The following OXLD1 variants were observed in gnomAD, a reference collection of about 807,000 sequenced individuals.
OXLD1 encodes the protein oxidoreductase like domain containing 1.
A neutral mutation model predicts 3.1 loss-of-function variants in OXLD1; 4 were observed. The ratio of observed to expected loss-of-function variants is 1.28; its 90% CI spans 0.63 to 2.92. The LOEUF is 2.92. Ranked by LOEUF, OXLD1 falls within the 30% of genes most tolerant of loss-of-function variation. The probability of loss-of-function intolerance (pLI) is 0.01; values close to 1 mark genes in which losing one functional copy is unlikely to be tolerated. For synonymous variants in OXLD1, 100 were observed against 87.0 expected (o/e 1.15, Z -0.83); for missense variants, 240 against 204.6 (o/e 1.17, Z -1.05).
In OXLD1 at chr17:81,665,309, C is replaced by G. The variant is rs755326756; in HGVS notation, c.336G>C (p.Gln112His). 6.2e-6 allele frequency: 10 copies of G among 1,613,576 alleles called. No individual in the cohort carries two copies. In the South Asian group the frequency reaches 1.1e-4, roughly 18 times the overall value. ...EYADRLLQHF[Q>H]DGGERALAAL... ...CAGCCAGGGCCCGCTCCCCACCGTC[C>G]TGGAAGTGCTGCAGCAGCCTGTCCG... The change falls in exon 2 of 2, where the codon CAG becomes CAC. Residue 112 changes from glutamine to histidine, a missense_variant. Physicochemically the swap from Gln to His is conservative, Grantham distance 24. Coordinates refer to ENST00000374741, the MANE Select transcript of OXLD1 (RefSeq NM_001039842.3).
Position 81,665,170 on chromosome 17 carries a change from G to A in OXLD1, c.*31C>T, listed in dbSNP as rs1294311878. 1.3e-5 allele frequency: 20 copies of A among 1,576,146 alleles called. No homozygotes were observed. Among genetic ancestry groups the A allele is most frequent in the Non-Finnish European group, 1.4e-5 (16 of 1,158,322 alleles). On this transcript the variant is annotated 3_prime_UTR_variant, in exon 2 of 2. Transcript: ENST00000374741. ...AGGCTGCGGCTGCGTCCTGGACTCC[G>A]TCCTGCGGTAGGGAGTCCAGCAGGG...
intron 1 of OXLD1, chr17:81,665,830 G>T: frequency 1.8e-6 from 1 of 541,952 alleles, no homozygotes; most frequent in South Asian, 2.5e-5. Flanking sequence ...GCCTGGCGCC[G>T]GGTGTGCACT....
intron 1 of OXLD1, chr17:81,665,953 A>C (rs2036604814): frequency 2.6e-6 from 1 of 377,460 alleles, no homozygotes; most frequent in Non-Finnish European, 4.8e-6. Context: ...CCAGCCCAGC[A>C]CCTCTACCAG....
chr17:81,665,636 C>G, intron 1 of OXLD1, 52 bp from the exon 2 acceptor site: 3 of 1,519,778 alleles, frequency 2.0e-6, no homozygotes, highest in Non-Finnish European at 2.6e-6. Context: ...GAGGCCCGGT[C>G]TACCCCCAGC....
chr17:81,665,226 C>G lies in OXLD1; in HGVS notation c.419G>C (p.Arg140Pro), dbSNP rs781438420. ...TCAGCCTCCGCACCTGGTGTGCAGC[C>G]GGATCTCCATCCTGAGGAAGGCCTT... ...NLKAFLRMEI[R>P]LHTRCGG is the part of the protein sequence containing the mutation. The change falls in exon 2 of 2, where the codon CGG becomes CCG. Residue 140 changes from arginine to proline, a missense_variant. By Grantham distance (103) the Arg-to-Pro change is moderately radical. Coordinates refer to ENST00000374741, the MANE Select transcript of OXLD1 (RefSeq NM_001039842.3). 2.5e-6 allele frequency: 4 copies of G among 1,612,254 alleles called. No individual in the cohort carries two copies. The highest frequency in any genetic ancestry group is 3.4e-6 in the Non-Finnish European group (4 of 1,179,200).
chr17:81,665,489 A>G lies in OXLD1; in HGVS notation c.156T>C (p.Asp52=), dbSNP rs1441919433. ...QRHHPGAQAP[D]GRRKFGTDHV... ...GGTCTGTCCCGAATTTTCTGCGCCC[A>G]TCAGGGGCTTGCGCTCCGGGATGGT... Residue 52 remains aspartate (D), a synonymous_variant, in exon 2 of 2, where the codon GAT becomes GAC. Transcript: ENST00000374741. The G allele has an allele frequency of 1.2e-6, 2 of 1,613,026 alleles. No individual in the cohort carries two copies. Among genetic ancestry groups the G allele is most frequent in the Admixed American group, 1.7e-5 (1 of 60,014 alleles).
At chr17:81,666,212 G>GAGCC (rs2036612538) in intron 1 of OXLD1, 2 of 463,664 alleles carry the variant, frequency 4.3e-6, no homozygotes, top group Non-Finnish European at 7.7e-6. Context: ...CCAGTCCCCA[G>GAGCC]AGCCCAGGAG....
Position 81,665,339 on chromosome 17 carries a change from C to T in OXLD1, c.306G>A (p.Glu102=). The T allele has an allele frequency of 3.7e-6, 6 of 1,613,490 alleles. 1 individual carries two copies. Among genetic ancestry groups the T allele is most frequent in the Middle Eastern group, 3.3e-4 (2 of 6,062 alleles). Residue 102 remains glutamate (E), a synonymous_variant, in exon 2 of 2, where the codon GAG becomes GAA. Coordinates refer to ENST00000374741, the MANE Select transcript of OXLD1 (RefSeq NM_001039842.3). ...MSGCPNCVWV[E]YADRLLQHFQ... ...AGTGCTGCAGCAGCCTGTCCGCGTA[C>T]TCCACCCACACGCAGTTGGGGCAGC... is the stretch of plus-strand genomic sequence containing the variant.
Position 81,665,454 on chromosome 17 carries a change from A to G in OXLD1, c.191T>C (p.Val64Ala), listed in dbSNP as rs1369589362. ...RRKFGTDHVE[V>A]GSQAGADGTR... ...GCCGTCCGCACCTGCTTGGGAGCCC[A>G]CCTCTACGTGGTCTGTCCCGAATTT... is the stretch of plus-strand genomic sequence containing the variant. The change falls in exon 2 of 2, where the codon GTG (valine) becomes GCG (alanine). Residue 64 changes from valine (V) to alanine (A), a missense_variant. Val to Ala is a moderately conservative substitution (Grantham distance 64, BLOSUM62 0). Coordinates refer to ENST00000374741, the MANE Select transcript of OXLD1 (RefSeq NM_001039842.3). 2 of 1,613,276 alleles carry G rather than the reference A, an allele frequency of 1.2e-6. No homozygotes were observed. Among genetic ancestry groups the G allele is most frequent in the African/African-American group, 1.3e-5 (1 of 75,000 alleles).
Position 81,666,538 on chromosome 17 carries a change from C to G in OXLD1, c.40G>C (p.Ala14Pro), listed in dbSNP as rs1188658459. 4 of 1,521,978 alleles carry G rather than the reference C, an allele frequency of 2.6e-6. No homozygotes were observed. Among genetic ancestry groups the G allele is most frequent in the African/African-American group, 2.9e-5 (2 of 70,008 alleles). 94.3% of individuals were successfully genotyped at this position (1,521,978 alleles called of 1,614,324 possible). A position where few individuals can be genotyped will look rare whatever the true frequency, so the allele number is the denominator to read the frequency against. The change falls in exon 1 of 2, where the codon GCC becomes CCC. Residue 14 changes from alanine (A) to proline (P), a missense_variant. Transcript: ENST00000374741. ...RRVVEGGRAVAAAVRGSGARR... is the reference protein window; with the variant it reads ...RRVVEGGRAVPAAVRGSGARR... ...CTTGCCGAGCCACGGACCGCGGCGGCTACCGCCCGGCCTCCCTCGACCACC... is the reference window on the plus strand; with the variant it reads ...CTTGCCGAGCCACGGACCGCGGCGGGTACCGCCCGGCCTCCCTCGACCACC...
chr17:81,666,580 C>A lies in OXLD1; in HGVS notation c.-3G>T. On this transcript the variant is annotated 5_prime_UTR_variant, in exon 1 of 2. Coordinates refer to ENST00000374741, the MANE Select transcript of OXLD1 (RefSeq NM_001039842.3). ...TCGACCACCCTCCGCAGCAGCATCGCCCGCGGACGGGATCCGGCAACCCCT... is the reference window on the plus strand; with the variant it reads ...TCGACCACCCTCCGCAGCAGCATCGACCGCGGACGGGATCCGGCAACCCCT... The A allele has an allele frequency of 6.8e-7, 1 of 1,461,034 alleles. No homozygotes were observed. 90.5% of individuals were successfully genotyped at this position (1,461,034 alleles called of 1,614,324 possible). A position where few individuals can be genotyped will look rare whatever the true frequency, so the allele number is the denominator to read the frequency against.
chr17:81,665,885 T>C, intron 1 of OXLD1: 1 of 467,550 alleles, frequency 2.1e-6, no homozygotes, highest in Non-Finnish European at 3.8e-6. Flanking sequence ...CACCTCCAGC[T>C]AAGATGGCTG....
rs1054085809 is a variant in OXLD1, at chr17:81,665,880, C to G, written c.61-296G>C. The G allele has an allele frequency of 6.8e-5, 32 of 470,986 alleles. 1 individual carries two copies. The East Asian group carries it at 9.8e-4, about 14-fold the overall frequency. 29.2% of individuals were successfully genotyped at this position (470,986 alleles called of 1,614,324 possible). ...GGGGTGGGGGAGGCACTCGACACCT[C>G]CAGCTAAGATGGCTGCTCTGTGGAC... is the stretch of plus-strand genomic sequence containing the variant. On this transcript the variant is annotated intron_variant, in intron 1 of 1. Coordinates refer to ENST00000374741, the MANE Select transcript of OXLD1 (RefSeq NM_001039842.3).
At position 81,666,559 on chromosome 17, in the gene OXLD1, C is replaced by A; in HGVS notation, c.19G>T (p.Val7Phe). ...GCGGCTACCGCCCGGCCTCCCTCGA[C>A]CACCCTCCGCAGCAGCATCGCCCGC... Reference protein sequence around the residue: MLLRRVVEGGRAVAAAV... With the variant: MLLRRVFEGGRAVAAAV... The change falls in exon 1 of 2, where the codon GTC becomes TTC. Residue 7 changes from valine (V) to phenylalanine (F), a missense_variant. Coordinates refer to ENST00000374741, the MANE Select transcript of OXLD1 (RefSeq NM_001039842.3). 1 of 1,503,000 alleles carries A rather than the reference C, an allele frequency of 6.7e-7. No homozygotes were observed. 93.1% of individuals were successfully genotyped at this position (1,503,000 alleles called of 1,614,324 possible). A position where few individuals can be genotyped will look rare whatever the true frequency, so the allele number is the denominator to read the frequency against.
In OXLD1 at chr17:81,665,336, G is replaced by C. The variant is rs368222035; in HGVS notation, c.309C>G (p.Tyr103Ter). ...SGCPNCVWVE[Y>*]ADRLLQHFQD... ...GGAAGTGCTGCAGCAGCCTGTCCGC[G>C]TACTCCACCCACACGCAGTTGGGGC... The change falls in exon 2 of 2, where the codon TAC (tyrosine) becomes TAG (stop). Residue 103 changes from tyrosine (Y) to a stop codon, truncating the protein, a stop_gained. Coordinates refer to ENST00000374741, the MANE Select transcript of OXLD1 (RefSeq NM_001039842.3). LOFTEE classifies it high-confidence loss of function. 3.1e-6 allele frequency: 5 copies of C among 1,613,348 alleles called. No homozygotes were observed. Among genetic ancestry groups the C allele is most frequent in the East Asian group, 4.5e-5 (2 of 44,894 alleles).
At chr17:81,665,761 T>C in intron 1 of OXLD1, 177 bp from the exon 2 acceptor site, 1 of 721,226 alleles carries the variant, frequency 1.4e-6, no homozygotes, top group Non-Finnish European at 2.2e-6. Context: ...GTTTCCCCAC[T>C]GTGCAATGGA....
chr17:81,665,472 C>G lies in OXLD1; in HGVS notation c.173G>C (p.Gly58Ala). 1 of 1,613,336 alleles carries G rather than the reference C, an allele frequency of 6.2e-7. No homozygotes were observed. Among genetic ancestry groups the G allele is most frequent in the Middle Eastern group, 1.7e-4 (1 of 6,054 alleles). ...GGAGCCCACCTCTACGTGGTCTGTC[C>G]CGAATTTTCTGCGCCCATCAGGGGC... ...AQAPDGRRKF[G>A]TDHVEVGSQA... Residue 58 changes from glycine to alanine, a missense_variant, in exon 2 of 2, where the codon GGG becomes GCG. Gly to Ala is a moderately conservative substitution (Grantham distance 60). Coordinates refer to ENST00000374741, the MANE Select transcript of OXLD1 (RefSeq NM_001039842.3).
chr17:81,666,535 C>A lies in OXLD1; in HGVS notation c.43G>T (p.Ala15Ser). ...GTACTTGCCGAGCCACGGACCGCGG[C>A]GGCTACCGCCCGGCCTCCCTCGACC... Reference protein sequence around the residue: ...RVVEGGRAVAAAVRGSGARRF... With the variant: ...RVVEGGRAVASAVRGSGARRF... Residue 15 changes from alanine (A) to serine (S), a missense_variant, in exon 1 of 2, where the codon GCC becomes TCC. Physicochemically the swap from Ala to Ser is moderately conservative, Grantham distance 99. Transcript: ENST00000374741. 6.6e-7 allele frequency: 1 copy of A among 1,523,824 alleles called. No homozygotes were observed. The highest frequency in any genetic ancestry group is 8.7e-7 in the Non-Finnish European group (1 of 1,144,746). The allele number at this position is 1,523,824 out of a possible 1,614,324, so 94.4% of individuals were successfully genotyped here.
chr17:81,666,549 C>T lies in OXLD1; in HGVS notation c.29G>A (p.Gly10Asp), dbSNP rs763803937. 3 of 1,512,080 alleles carry T rather than the reference C, an allele frequency of 2.0e-6. No individual in the cohort carries two copies. Among genetic ancestry groups the T allele is most frequent in the Non-Finnish European group, 2.6e-6 (3 of 1,137,538 alleles). 93.7% of individuals were successfully genotyped at this position (1,512,080 alleles called of 1,614,324 possible). A position where few individuals can be genotyped will look rare whatever the true frequency, so the allele number is the denominator to read the frequency against. ...ACGGACCGCGGCGGCTACCGCCCGG[C>T]CTCCCTCGACCACCCTCCGCAGCAG... MLLRRVVEG[G>D]RAVAAAVRGS... The change falls in exon 1 of 2, where the codon GGC (glycine) becomes GAC (aspartate). Residue 10 changes from glycine to aspartate, a missense_variant. Physicochemically the swap from Gly to Asp is moderately conservative, Grantham distance 94 (BLOSUM62 -1). Transcript: ENST00000374741.
Sources: allele counts gnomAD v4.1 joint callset, GRCh38; gene constraint gnomAD v4.1.1; transcripts MANE v1.5; gene names NCBI Gene and HGNC (gene_info 2026-07-23, HGNC 2026-07-21).